The following SAP18 variants were observed in gnomAD, a reference collection of about 807,000 sequenced individuals.
The protein encoded by SAP18 is histone deacetylase complex subunit SAP18.
Under a neutral mutation model 18.6 loss-of-function variants are expected in SAP18, and 4 were observed. That is an observed-to-expected ratio of 0.21 (90% CI 0.11 to 0.49). SAP18 has a LOEUF of 0.49. Ranked by LOEUF, SAP18 falls within the 20% of genes least tolerant of loss-of-function variation. The probability of loss-of-function intolerance (pLI) is 0.98; values close to 1 mark genes in which losing one functional copy is unlikely to be tolerated. For missense variants in SAP18, 170 were observed against 226.4 expected, an observed-to-expected ratio of 0.75 and a Z score of 1.60; for synonymous variants, 112 against 82.8, an observed-to-expected ratio of 1.35 and a Z score of -1.92.
intron 2 of SAP18, among the ~76,000 whole-genome samples, chr13:21,143,260 CTTTG>C (rs1225703449): frequency 1.3e-5 from 2 of 152,168 alleles, no homozygotes; most frequent in African/African-American, 4.8e-5. Flanking sequence ...CATATGTTAA[CTTTG>C]TTTAATTTTT....
intron 2 of SAP18, among the ~76,000 whole-genome samples, chr13:21,143,273 T>C (rs1208444410): frequency 6.6e-6 from 1 of 152,220 alleles, no homozygotes; most frequent in Admixed American, 6.5e-5. Flanking sequence ...TGTTTAATTT[T>C]TGAGGAACCA....
At chr13:21,142,971 A>G (rs1164060221) in intron 2 of SAP18, among the ~76,000 whole-genome samples, 3 of 152,188 alleles carry the variant, frequency 2.0e-5, no homozygotes, top group East Asian at 1.9e-4. Flanking sequence ...CCTATTCTGC[A>G]TATTTCATTT....
At chr13:21,142,616 C>T (rs937343316) in intron 2 of SAP18, among the ~76,000 whole-genome samples, 3 of 152,100 alleles carry the variant, frequency 2.0e-5, no homozygotes, top group Non-Finnish European at 4.4e-5. Flanking sequence ...CATGAGCCAC[C>T]GCACCTGGTC....
chr13:21,143,549 T>C (rs1352258676), intron 2 of SAP18, among the ~76,000 whole-genome samples: 1 of 152,166 alleles, frequency 6.6e-6, no homozygotes, highest in East Asian at 1.9e-4. Flanking sequence ...GAAATTAAAG[T>C]GTATGTTTCT....
exon 1 of SAP18, chr13:21,140,567 G>T: frequency 6.3e-7 from 1 of 1,599,974 alleles, no homozygotes; most frequent in South Asian, 1.1e-5. Flanking sequence ...TCGCTGCAGG[G>T]GTCGGAGGTC....
intron 2 of SAP18, among the ~76,000 whole-genome samples, chr13:21,146,085 G>GCC (rs1869640742): frequency 2.6e-5 from 4 of 152,092 alleles, no homozygotes; most frequent in Non-Finnish European, 5.9e-5. Flanking sequence ...GCTCACGCTT[G>GCC]TAATCAATCC....
exon 4 of SAP18, chr13:21,148,799 G>A (rs1478743366): frequency 1.3e-5 from 2 of 152,226 alleles, no homozygotes; most frequent in Non-Finnish European, 2.9e-5. Flanking sequence ...CTATGCAGAT[G>A]AAGAGGGTAG....
chr13:21,140,669 C>G, exon 1 of SAP18: 1 of 1,611,994 alleles, frequency 6.2e-7, no homozygotes, highest in Non-Finnish European at 8.5e-7. Flanking sequence ...AGAAACCGAT[C>G]GACCGCGAGA....
At chr13:21,141,311 G>A in intron 2 of SAP18, 1 of 375,870 alleles carries the variant, frequency 2.7e-6, no homozygotes, top group East Asian at 5.9e-5. Flanking sequence ...CTGCCCTAAA[G>A]GGACTCATAG....
chr13:21,145,822 A>G (rs918165203), intron 2 of SAP18, among the ~76,000 whole-genome samples: 1 of 152,166 alleles, frequency 6.6e-6, no homozygotes, highest in African/African-American at 2.4e-5. Flanking sequence ...CCTGGCAAAA[A>G]AATGTATACT....
At chr13:21,145,168 G>A (rs139944954) in intron 2 of SAP18, among the ~76,000 whole-genome samples, 2,142 of 149,176 alleles carry the variant, frequency 0.014, 134 homozygotes, top group Admixed American at 0.11. Context: ...CCAGGTATAA[G>A]CGATTCTCCT....
chr13:21,148,467 T>A (rs1869731357), exon 4 of SAP18: 1 of 152,112 alleles, frequency 6.6e-6, no homozygotes, highest in South Asian at 2.1e-4. Flanking sequence ...AGTAGCCAAT[T>A]GAAAATGTAT....
At chr13:21,141,749 C>T (rs940841878) in intron 2 of SAP18, 1 of 152,126 alleles carries the variant, frequency 6.6e-6, no homozygotes, top group East Asian at 1.9e-4. Context: ...TCACTGCAAC[C>T]TCCACCTCCT....
chr13:21,147,126 G>T lies in SAP18; in HGVS notation c.363-60G>T, dbSNP rs779033834. 1.2e-5 allele frequency: 18 copies of T among 1,538,710 alleles called. No homozygotes were observed. The Middle Eastern group carries it at 5.7e-4, about 48-fold the overall frequency. On this transcript the variant is annotated intron_variant, in intron 3 of 3. Transcript: ENST00000621421. ...GAAAATCCAGTGCCATATTCACTTT[G>T]TAGTACATACTGGGTTTCATTGATT...
At chr13:21,142,479 A>ACG (rs1181883957) in intron 2 of SAP18, among the ~76,000 whole-genome samples, 1 of 151,554 alleles carries the variant, frequency 6.6e-6, no homozygotes, top group Admixed American at 6.6e-5. Flanking sequence ...GGCGCCCGCC[A>ACG]CCACGCCTGG....
chr13:21,143,081 T>C (rs1869527397), intron 2 of SAP18, among the ~76,000 whole-genome samples: 1 of 152,018 alleles, frequency 6.6e-6, no homozygotes, highest in Non-Finnish European at 1.5e-5. Context: ...CTGAATCATA[T>C]TTCATTGTAT....
chr13:21,143,043 T>A (rs1869525987), intron 2 of SAP18, among the ~76,000 whole-genome samples: 1 of 152,248 alleles, frequency 6.6e-6, no homozygotes, highest in Non-Finnish European at 1.5e-5. Flanking sequence ...AGGGTTAATG[T>A]TGTAGCATCC....
At chr13:21,145,750 C>A (rs1869628170) in intron 2 of SAP18, among the ~76,000 whole-genome samples, 1 of 152,178 alleles carries the variant, frequency 6.6e-6, no homozygotes, top group Admixed American at 6.6e-5. Flanking sequence ...AGCTCCTGGC[C>A]TCAGGTGATC....
rs541634597 is a variant in SAP18 at position 21,145,351 on chromosome 13, T to C, written c.240-1454T>C. Among the ~76,000 whole-genome samples, 3 of 152,262 alleles carry C rather than the reference T, an allele frequency of 2.0e-5. No individual in the cohort carries two copies. The East Asian group carries it at 5.8e-4, about 29-fold the overall frequency. ...TCACAACCCCAAGATATCTTACGTA[T>C]ATGCAAAAATTCTAAAATTTGAAAA... On this transcript the variant is annotated intron_variant, in intron 2 of 3. Coordinates refer to ENST00000621421, the Ensembl canonical transcript of SAP18.
Sources: allele counts gnomAD v4.1 joint callset (sites outside exome capture counted in the v4.1 genomes callset), GRCh38; gene constraint gnomAD v4.1.1; transcripts MANE v1.5; gene names NCBI Gene and HGNC (gene_info 2026-07-23, HGNC 2026-07-21).